Variants in GPHN observed in about 807,000 individuals in gnomAD.
GPHN encodes gephyrin.
Under a neutral mutation model 95.5 loss-of-function variants are expected in GPHN, and 17 were observed. That is an observed-to-expected ratio of 0.18 (90% CI 0.12 to 0.27). The LOEUF (loss-of-function observed/expected upper bound fraction) is 0.27. Ranked by LOEUF, GPHN falls within the 10% of genes least tolerant of loss-of-function variation. The probability of loss-of-function intolerance (pLI) is 1.00; values close to 1 mark genes in which losing one functional copy is unlikely to be tolerated. For missense variants in GPHN, 660 were observed against 978.1 expected, an observed-to-expected ratio of 0.67 and a Z score of 4.34; for synonymous variants, 320 against 322.5, an observed-to-expected ratio of 0.99 and a Z score of 0.08.
intron 4 of GPHN, among the ~76,000 whole-genome samples, chr14:66,863,927 TATCTC>T (rs575778677): frequency 1.3e-3 from 194 of 152,222 alleles, no homozygotes; most frequent in Non-Finnish European, 1.7e-3. Flanking sequence ...TCTTGAGTAA[TATCTC>T]ATAAGCACAA....
the GPHN span, chr14:67,674,312 A>G: frequency 0.15 from 205,490 of 1,404,586 alleles, 15,843 homozygotes; most frequent in African/African-American, 0.23. Flanking sequence ...GGAAGGTGGG[A>G]GAATCTTCCT....
chr14:66,917,621 C>T (rs1353744998), intron 6 of GPHN, among the ~76,000 whole-genome samples: 1 of 152,186 alleles, frequency 6.6e-6, no homozygotes, highest in Non-Finnish European at 1.5e-5. Context: ...GCAAGTTCCT[C>T]CTGCACAGTC....
chr14:66,840,661 G>A (rs2062036526), intron 4 of GPHN, among the ~76,000 whole-genome samples: 1 of 141,464 alleles, frequency 7.1e-6, no homozygotes, highest in South Asian at 2.3e-4. Flanking sequence ...TACGTGTCAT[G>A]AAATATTATT....
At chr14:67,674,559 A>C in the GPHN span, 8 of 1,391,258 alleles carry the variant, frequency 5.8e-6, no homozygotes, top group South Asian at 9.7e-5. Flanking sequence ...CCCGGCGGTC[A>C]GCCGCCCAGC....
At chr14:67,141,613 T>C (rs1335790887) in intron 17 of GPHN, among the ~76,000 whole-genome samples, 1 of 152,182 alleles carries the variant, frequency 6.6e-6, no homozygotes, top group Non-Finnish European at 1.5e-5. Context: ...GTTAAGCAAC[T>C]TGTGCATGGT....
the GPHN span, chr14:67,690,550 T>A: frequency 1.4e-6 from 1 of 739,650 alleles, no homozygotes; most frequent in Non-Finnish European, 2.2e-6. Flanking sequence ...CTTTTCATTA[T>A]CAACTAGAAA....
chr14:67,301,864 A>T, the GPHN span: 1 of 1,218,970 alleles, frequency 8.2e-7, no homozygotes. Flanking sequence ...ATTAATTATA[A>T]CACTTTTAAA....
intron 2 of GPHN, among the ~76,000 whole-genome samples, chr14:66,767,950 G>C (rs968974608): frequency 6.6e-6 from 1 of 151,856 alleles, no homozygotes; most frequent in Admixed American, 6.6e-5. Flanking sequence ...AATGAATAGT[G>C]TTTTACGAAT....
chr14:67,437,245 C>T, the GPHN span, among the ~76,000 whole-genome samples: 1 of 152,114 alleles, frequency 6.6e-6, no homozygotes, highest in Non-Finnish European at 1.5e-5. Flanking sequence ...CTTCGTGGAA[C>T]TTGCAGTCCA....
chr14:66,753,515 A>G (rs1490754411), intron 2 of GPHN, among the ~76,000 whole-genome samples: 9 of 152,160 alleles, frequency 5.9e-5, no homozygotes, highest in African/African-American at 2.2e-4. Flanking sequence ...TCTGCCAAAA[A>G]AAAAAAATTT....
chr14:66,796,298 T>C (rs1349923486), intron 3 of GPHN, among the ~76,000 whole-genome samples: 11 of 152,078 alleles, frequency 7.2e-5, no homozygotes, highest in Admixed American at 6.6e-4. Flanking sequence ...GGAGTGCAAA[T>C]ATCTATTCAA....
At chr14:66,587,405 T>C (rs1004331573) in intron 1 of GPHN, among the ~76,000 whole-genome samples, 1 of 152,124 alleles carries the variant, frequency 6.6e-6, no homozygotes, top group Non-Finnish European at 1.5e-5. Context: ...CCTGATACCA[T>C]AGACAAACAA....
chr14:66,599,098 AT>A (rs995251807), intron 1 of GPHN, among the ~76,000 whole-genome samples: 29 of 152,034 alleles, frequency 1.9e-4, no homozygotes, highest in African/African-American at 7.0e-4. Context: ...AATTTTATGC[AT>A]TTTTTTCCAT....
At chr14:67,445,691 C>T in the GPHN span, among the ~76,000 whole-genome samples, 1 of 148,386 alleles carries the variant, frequency 6.7e-6, no homozygotes, top group Non-Finnish European at 1.5e-5. Flanking sequence ...TCAAATGATC[C>T]TCCCACCTCA....
At chr14:66,869,719 A>C (rs1051102547) in intron 4 of GPHN, among the ~76,000 whole-genome samples, 1 of 152,214 alleles carries the variant, frequency 6.6e-6, no homozygotes, top group Non-Finnish European at 1.5e-5. Context: ...TGGAAAGTAG[A>C]AGCATAGAAA....
chr14:66,763,016 T>C (rs1215013102), intron 2 of GPHN, among the ~76,000 whole-genome samples: 2 of 152,168 alleles, frequency 1.3e-5, no homozygotes, highest in Non-Finnish European at 2.9e-5. Flanking sequence ...GAATGTCTTC[T>C]ATCTTCAATT....
At chr14:66,721,951 CAAAAAAAA>C (rs35174343) in intron 2 of GPHN, among the ~76,000 whole-genome samples, 647 of 60,110 alleles carry the variant, frequency 0.011, 11 homozygotes, top group African/African-American at 0.024. Flanking sequence ...AACTCTGTCT[CAAAAAAAA>C]AAAAAAAAAA....
chr14:67,369,441 T>C, the GPHN span, among the ~76,000 whole-genome samples: 2 of 152,170 alleles, frequency 1.3e-5, no homozygotes, highest in African/African-American at 4.8e-5. Context: ...CTCTGAACAA[T>C]TGGAGAAACA....
intron 5 of GPHN, among the ~76,000 whole-genome samples, chr14:66,912,137 C>A (rs1348401549): frequency 2.0e-5 from 3 of 152,086 alleles, no homozygotes; most frequent in Non-Finnish European, 4.4e-5. Flanking sequence ...TTTCCAGGGC[C>A]TATATATAAT....
Sources: allele counts gnomAD v4.1 joint callset (sites outside exome capture counted in the v4.1 genomes callset), GRCh38; gene constraint gnomAD v4.1.1; transcripts MANE v1.5; gene names NCBI Gene and HGNC (gene_info 2026-07-23, HGNC 2026-07-21).